Variants in RTN1 observed in about 807,000 individuals in gnomAD.
RTN1 encodes reticulon-1.
In RTN1, 25 loss-of-function variants were observed where a neutral mutation model predicts 65.5. The observed-to-expected ratio is 0.38, with a 90% CI of 0.28 to 0.53. The LOEUF is 0.53. RTN1 is among the 20% of genes least tolerant of loss of function. RTN1 has a pLI of 0.79. For missense variants in RTN1, 983 were observed against 1,025.4 expected (o/e 0.96, Z 0.57); for synonymous variants, 471 against 447.6 (o/e 1.05, Z -0.66).
At chr14:59,615,265 C>T (rs370097850) in intron 3 of RTN1, among the ~76,000 whole-genome samples, 2 of 152,012 alleles carry the variant, frequency 1.3e-5, no homozygotes, top group South Asian at 2.1e-4. Context: ...GCCTGACCAA[C>T]GTGGAGAAAC....
At chr14:59,614,230 A>G (rs1412456764) in intron 3 of RTN1, among the ~76,000 whole-genome samples, 2 of 152,170 alleles carry the variant, frequency 1.3e-5, no homozygotes, top group African/African-American at 4.8e-5. Context: ...GGGATCCGGT[A>G]TAAAATGGTA....
At chr14:59,662,160 T>G (rs1362959759) in intron 3 of RTN1, among the ~76,000 whole-genome samples, 1 of 142,200 alleles carries the variant, frequency 7.0e-6, no homozygotes, top group Non-Finnish European at 1.6e-5. Flanking sequence ...AGCTTTCTTT[T>G]TTCTTTTTTT....
rs565831382 is a variant in RTN1, at chr14:59,794,823, G to A, written c.242-48342C>T. On this transcript the variant is annotated intron_variant, in intron 1 of 8. Coordinates refer to ENST00000267484, the MANE Select transcript of RTN1 (RefSeq NM_021136.3). This position sits in a 1 kb window ranked among gnomAD's most constrained non-coding sequence, Gnocchi z 5.1. ...CTATTGACCAGAGGATGGTTATATG[G>A]CCATATTTAACTAAATAGGAGGCTG... Among the ~76,000 whole-genome samples the A allele has an allele frequency of 6.6e-6, 1 of 152,256 alleles. No homozygotes were observed. The highest frequency in any genetic ancestry group is 2.4e-5 in the African/African-American group (1 of 41,532).
chr14:59,626,769 A>G (rs1882411539), intron 3 of RTN1, among the ~76,000 whole-genome samples: 1 of 152,192 alleles, frequency 6.6e-6, no homozygotes, highest in Non-Finnish European at 1.5e-5. Flanking sequence ...ACGGAGGCTT[A>G]ATTAAAGCAG....
chr14:59,745,605 T>C, intron 2 of RTN1, 103 bp downstream of exon 2: 2 of 1,002,794 alleles, frequency 2.0e-6, no homozygotes, highest in South Asian at 1.7e-5. Flanking sequence ...GTCCAGATAG[T>C]AAAGTATGTT....
intron 3 of RTN1, among the ~76,000 whole-genome samples, chr14:59,659,522 T>G (rs1883197969): frequency 6.6e-6 from 1 of 152,272 alleles, no homozygotes; most frequent in African/African-American, 2.4e-5. Context: ...GGGAAGCCCA[T>G]CAGACTAGCA....
In RTN1 at chr14:59,745,871, T is replaced by A. The variant is rs139126433; in HGVS notation, c.852A>T (p.Thr284=). 2.2e-5 allele frequency: 36 copies of A among 1,613,982 alleles called. No individual in the cohort carries two copies. Among genetic ancestry groups the A allele is most frequent in the Non-Finnish European group, 2.7e-5 (32 of 1,180,034 alleles). The change falls in exon 2 of 9, where the codon ACA becomes ACT. Residue 284 remains threonine (T), a synonymous_variant. Transcript: ENST00000267484. ...APQITTPVKI[T]LTEIEPSVET... ...CAACAGAAGGTTCTATTTCCGTCAGTGTGATTTTGACAGGGGTGGTGATCT... is the reference window on the plus strand; with the variant it reads ...CAACAGAAGGTTCTATTTCCGTCAGAGTGATTTTGACAGGGGTGGTGATCT...
At chr14:59,748,141 C>A (rs1431113825) in intron 1 of RTN1, among the ~76,000 whole-genome samples, 1 of 150,748 alleles carries the variant, frequency 6.6e-6, no homozygotes, top group Non-Finnish European at 1.5e-5. Flanking sequence ...CCAGGATTCA[C>A]ACCCAAGTAA....
intron 1 of RTN1, among the ~76,000 whole-genome samples, chr14:59,845,175 GC>G (rs1887386038): frequency 6.6e-6 from 1 of 152,160 alleles, no homozygotes; most frequent in African/African-American, 2.4e-5. Flanking sequence ...AAAAGCACTA[GC>G]TTTGTGATTC....
chr14:59,796,981 A>T (rs1169358025), intron 1 of RTN1, among the ~76,000 whole-genome samples: 1 of 152,214 alleles, frequency 6.6e-6, no homozygotes, highest in African/African-American at 2.4e-5. Flanking sequence ...CAGGTATGTT[A>T]AGGTTATATA....
chr14:59,780,160 G>C (rs1196547464), intron 1 of RTN1, among the ~76,000 whole-genome samples: 1 of 152,188 alleles, frequency 6.6e-6, no homozygotes, highest in East Asian at 1.9e-4. Context: ...CTAGTGGGAA[G>C]CTGAACTGGT....
At chr14:59,862,534 C>A (rs1408942094) in intron 1 of RTN1, among the ~76,000 whole-genome samples, 1 of 152,176 alleles carries the variant, frequency 6.6e-6, no homozygotes, top group Admixed American at 6.5e-5. Flanking sequence ...ACTCTAGCAA[C>A]CCTGCCAGCA....
chr14:59,601,454 T>A (rs1881575810), intron 8 of RTN1, among the ~76,000 whole-genome samples: 2 of 152,176 alleles, frequency 1.3e-5, no homozygotes, highest in Admixed American at 1.3e-4. Context: ...TCTGTATAAT[T>A]TTGTCTGCAC....
In RTN1 at chr14:59,746,414, C is replaced by G. The variant is rs528236609; in HGVS notation, c.309G>C (p.Ser103=). 3.1e-6 allele frequency: 5 copies of G among 1,613,118 alleles called. No homozygotes were observed. The highest frequency in any genetic ancestry group is 4.2e-6 in the Non-Finnish European group (5 of 1,179,512). ...TGTCAGAAATGAGAGATGTGTAACACGATCCTTCCCCATCTTTTGATGTTG... is the reference window on the plus strand; with the variant it reads ...TGTCAGAAATGAGAGATGTGTAACAGGATCCTTCCCCATCTTTTGATGTTG... The part of the protein sequence containing the change: ...FSTTSKDGEG[S]CYTSLISDIC... Residue 103 remains serine, a synonymous_variant, in exon 2 of 9, where the codon TCG becomes TCC. Transcript: ENST00000267484.
At chr14:59,626,740 G>A (rs146759146) in intron 3 of RTN1, among the ~76,000 whole-genome samples, 216 of 152,190 alleles carry the variant, frequency 1.4e-3, no homozygotes, top group African/African-American at 5.0e-3. Context: ...TATAACATGA[G>A]AGTAATAAAA....
In RTN1 at chr14:59,849,277, T is replaced by C. The variant is rs1887463863; in HGVS notation, c.241+21113A>G. Among the ~76,000 whole-genome samples the C allele has an allele frequency of 6.6e-6, 1 of 152,216 alleles. No homozygotes were observed. Among genetic ancestry groups the C allele is most frequent in the African/African-American group, 2.4e-5 (1 of 41,462 alleles). The stretch of plus-strand genomic sequence containing the variant: ...CACTAGGTGCTAAATACATGTCAAC[T>C]TCTTTCTCTTTTATCTATTTCCTCT... On this transcript the variant is annotated intron_variant, in intron 1 of 8. Transcript: ENST00000267484. The surrounding 1 kb of genome is among the most constrained non-coding windows in gnomAD (Gnocchi z 4.5).
chr14:59,804,022 C>A (rs1175215556), intron 1 of RTN1, among the ~76,000 whole-genome samples: 1 of 152,112 alleles, frequency 6.6e-6, no homozygotes, highest in Non-Finnish European at 1.5e-5. Flanking sequence ...ATTAATAGAT[C>A]AGTATTGATA....
chr14:59,759,913 G>T (rs1391801765), intron 1 of RTN1, among the ~76,000 whole-genome samples: 1 of 152,198 alleles, frequency 6.6e-6, no homozygotes, highest in East Asian at 1.9e-4. Flanking sequence ...GCTGGGAGGA[G>T]TACAATACGC....
chr14:59,743,249 A>G (rs933755544), intron 2 of RTN1, among the ~76,000 whole-genome samples: 1 of 151,166 alleles, frequency 6.6e-6, no homozygotes, highest in Non-Finnish European at 1.5e-5. Context: ...CTACTTAAAA[A>G]TGGAAATTCC....
Sources: allele counts gnomAD v4.1 joint callset (sites outside exome capture counted in the v4.1 genomes callset), GRCh38; gene constraint gnomAD v4.1.1; non-coding constraint Gnocchi (gnomAD v3.1); transcripts MANE v1.5; gene names NCBI Gene and HGNC (gene_info 2026-07-23, HGNC 2026-07-21).